The following APP variants were observed in gnomAD, a reference collection of about 807,000 sequenced individuals.
APP encodes the protein amyloid-beta precursor protein.
Under a neutral mutation model 101.4 loss-of-function variants are expected in APP, and 31 were observed. The observed-to-expected ratio is 0.31, with a 90% CI of 0.23 to 0.41. The LOEUF (loss-of-function observed/expected upper bound fraction) is 0.41, where lower values mean the gene tolerates loss of function less well. Among genes scored for constraint, APP ranks in the 10% least tolerant of loss-of-function variants. APP has a pLI of 1.00. For missense variants in APP, 839 were observed against 1,003.7 expected, an observed-to-expected ratio of 0.84 and a Z score of 2.22; for synonymous variants, 366 against 364.4, an observed-to-expected ratio of 1.00 and a Z score of -0.05.
At chr21:26,005,515 G>C (rs1302726137) in intron 6 of APP, among the ~76,000 whole-genome samples, 1 of 152,120 alleles carries the variant, frequency 6.6e-6, no homozygotes, top group Non-Finnish European at 1.5e-5. Flanking sequence ...TGGAAGATTT[G>C]GAAATCTCAG....
intron 13 of APP, among the ~76,000 whole-genome samples, chr21:25,946,641 G>A (rs573199705): frequency 1.1e-4 from 16 of 151,988 alleles, no homozygotes; most frequent in East Asian, 3.9e-4. Context: ...ACTTCAGCCC[G>A]GGTGACAGAG....
intron 13 of APP, among the ~76,000 whole-genome samples, chr21:25,942,879 G>A (rs943319462): frequency 3.9e-5 from 6 of 151,928 alleles, no homozygotes; most frequent in East Asian, 1.9e-4. Flanking sequence ...GATGCATCAC[G>A]GCCATCCATC....
chr21:25,885,851 T>C (rs1245978706), intron 17 of APP, among the ~76,000 whole-genome samples: 1 of 152,174 alleles, frequency 6.6e-6, no homozygotes. Context: ...CCAGAGTAAT[T>C]TAGAGCTCAG....
At chr21:25,930,704 A>G (rs892053364) in intron 13 of APP, among the ~76,000 whole-genome samples, 1 of 152,208 alleles carries the variant, frequency 6.6e-6, no homozygotes, top group Non-Finnish European at 1.5e-5. Context: ...CAGATTTTAA[A>G]AAGCACACAA....
intron 6 of APP, among the ~76,000 whole-genome samples, chr21:26,012,017 T>C (rs567669388): frequency 2.0e-5 from 3 of 152,096 alleles, no homozygotes; most frequent in Admixed American, 2.0e-4. Context: ...CCTTAATCTT[T>C]TTTTTTTTTG....
In APP at chr21:25,881,543, CA is replaced by C; in HGVS notation, c.*126del. The C allele has an allele frequency of 9.3e-7, 1 of 1,071,708 alleles. No individual in the cohort carries two copies. Among genetic ancestry groups the C allele is most frequent in the Non-Finnish European group, 1.4e-6 (1 of 702,006 alleles). The allele number at this position is 1,071,708 out of a possible 1,614,324, so 66.4% of individuals were successfully genotyped here. The stretch of plus-strand genomic sequence containing the variant: ...TCTACTTGTGTTACAGCACAGCTGT[CA>C]AAAGGCGATAATGAGTAAATCATAA... On this transcript the variant is annotated 3_prime_UTR_variant, in exon 18 of 18. Coordinates refer to ENST00000346798, the MANE Select transcript of APP (RefSeq NM_000484.4).
intron 11 of APP, among the ~76,000 whole-genome samples, chr21:25,956,922 T>C (rs746424425): frequency 2.6e-5 from 4 of 152,184 alleles, no homozygotes; most frequent in Non-Finnish European, 4.4e-5. Context: ...AAATTATCTA[T>C]GATTCTTACT....
At chr21:26,104,565 T>C (rs888946879) in intron 2 of APP, among the ~76,000 whole-genome samples, 5 of 152,172 alleles carry the variant, frequency 3.3e-5, no homozygotes, top group South Asian at 4.2e-4. Context: ...AAAGACTGTG[T>C]TTTTACTTTT....
At chr21:26,168,829 G>C (rs1284450058) in intron 1 of APP, among the ~76,000 whole-genome samples, 1 of 152,118 alleles carries the variant, frequency 6.6e-6, no homozygotes, top group Admixed American at 6.5e-5. Context: ...TAGCCCTAAG[G>C]TGATTCCTGA....
In APP at chr21:25,911,882, T is replaced by A; in HGVS notation, c.1768A>T (p.Asn590Tyr). The A allele has an allele frequency of 6.2e-7, 1 of 1,614,168 alleles. No individual in the cohort carries two copies. Among genetic ancestry groups the A allele is most frequent in the Non-Finnish European group, 8.5e-7 (1 of 1,180,028 alleles). Residue 590 changes from asparagine to tyrosine, a missense_variant, in exon 14 of 18, where the codon AAC becomes TAC. Coordinates refer to ENST00000346798, the MANE Select transcript of APP (RefSeq NM_000484.4). ...GTCAAAGATGGCATGAGAGCATCGT[T>A]TCCGTAACTGATCCTTGGTTCACTA... Reference protein sequence around the residue: ...MISEPRISYGNDALMPSLTET... With the variant: ...MISEPRISYGYDALMPSLTET...
intron 11 of APP, among the ~76,000 whole-genome samples, chr21:25,961,046 G>A (rs1324557401): frequency 6.6e-6 from 1 of 152,068 alleles, no homozygotes; most frequent in Non-Finnish European, 1.5e-5. Flanking sequence ...AATTCTTGGG[G>A]CCCCCAAATC....
intron 13 of APP, among the ~76,000 whole-genome samples, chr21:25,951,535 CCAG>C (rs2041075299): frequency 6.6e-6 from 1 of 152,096 alleles, no homozygotes; most frequent in African/African-American, 2.4e-5. Context: ...TCTCCTTTTG[CCAG>C]TGTCTCTGAA....
intron 3 of APP, among the ~76,000 whole-genome samples, chr21:26,081,608 T>C (rs1323160350): frequency 2.0e-5 from 3 of 152,210 alleles, no homozygotes; most frequent in African/African-American, 7.2e-5. Context: ...TCTGGGCGAA[T>C]ACGTGCAGGT....
At chr21:25,913,889 GA>G (rs1467150369) in intron 13 of APP, among the ~76,000 whole-genome samples, 1 of 151,676 alleles carries the variant, frequency 6.6e-6, no homozygotes, top group Non-Finnish European at 1.5e-5. Flanking sequence ...ATCGACTCTT[GA>G]AACTCTAAAG....
chr21:26,146,973 G>A (rs1201912521), intron 1 of APP, among the ~76,000 whole-genome samples: 2 of 152,142 alleles, frequency 1.3e-5, no homozygotes, highest in Non-Finnish European at 2.9e-5. Context: ...CCTTTCTGAT[G>A]TAAAAAGACA....
chr21:26,085,006 T>C (rs2061675097), intron 3 of APP, among the ~76,000 whole-genome samples: 3 of 152,258 alleles, frequency 2.0e-5, no homozygotes, highest in Non-Finnish European at 4.4e-5. Context: ...AGTCTATCTT[T>C]TGCTGATTAT....
At position 25,957,388 on chromosome 21, in the gene APP, A is replaced by C. The variant is rs559297067; in HGVS notation, c.1459-1633T>G. 2.6e-5 allele frequency among the ~76,000 whole-genome samples: 4 copies of C among 152,318 alleles called. No individual in the cohort carries two copies. In the South Asian group the frequency reaches 8.3e-4, roughly 32 times the overall value. On this transcript the variant is annotated intron_variant, in intron 11 of 17. Transcript: ENST00000346798. ...AAAAAAGAACATTTGAAAACATCAG[A>C]GATTAAAGGCTGACTCTTGTTGATT...
intron 1 of APP, chr21:26,169,124 T>A (rs1053345793): frequency 5.3e-5 from 8 of 152,310 alleles, no homozygotes; most frequent in African/African-American, 1.9e-4. Flanking sequence ...AAACAACTTC[T>A]AAGCATCTTC....
intron 9 of APP, among the ~76,000 whole-genome samples, chr21:25,980,614 GTTA>G (rs1252446890): frequency 2.6e-5 from 4 of 152,054 alleles, no homozygotes; most frequent in Non-Finnish European, 5.9e-5. Flanking sequence ...TCCTCTTTAT[GTTA>G]TTATACCAAA....
Sources: allele counts gnomAD v4.1 joint callset (sites outside exome capture counted in the v4.1 genomes callset), GRCh38; gene constraint gnomAD v4.1.1; transcripts MANE v1.5; gene names NCBI Gene and HGNC (gene_info 2026-07-23, HGNC 2026-07-21).